The following YAP1 variants were observed in gnomAD, a reference collection of about 807,000 sequenced individuals.
YAP1 encodes the protein transcriptional coactivator YAP1.
YAP1 carries 5 observed loss-of-function variants against 56.9 expected under a neutral mutation model. The observed-to-expected ratio is 0.09, with a 90% CI of 0.05 to 0.18. The LOEUF is 0.18. Ranked by LOEUF, YAP1 falls within the 10% of genes least tolerant of loss-of-function variation. YAP1 has a pLI of 1.00. For synonymous variants in YAP1, 265 were observed against 248.1 expected, an observed-to-expected ratio of 1.07 and a Z score of -0.64; for missense variants, 539 against 651.8, an observed-to-expected ratio of 0.83 and a Z score of 1.88.
chr11:102,136,563 A>G (rs1944687693), intron 2 of YAP1, among the ~76,000 whole-genome samples: 1 of 151,926 alleles, frequency 6.6e-6, no homozygotes, highest in South Asian at 2.1e-4. Flanking sequence ...ATGTTGCCCA[A>G]GCTGGTGTCG....
At chr11:102,117,831 T>G (rs938355576) in intron 2 of YAP1, among the ~76,000 whole-genome samples, 1 of 152,268 alleles carries the variant, frequency 6.6e-6, no homozygotes, top group Admixed American at 6.5e-5. Flanking sequence ...TTTACCATCG[T>G]ATTGAGCTTT....
intron 2 of YAP1, among the ~76,000 whole-genome samples, chr11:102,117,094 G>T (rs1943332485): frequency 6.6e-6 from 1 of 152,182 alleles, no homozygotes; most frequent in Non-Finnish European, 1.5e-5. Context: ...TTCTTTTTGT[G>T]TACTGAACAG....
At chr11:102,181,416 A>G (rs1253700405) in intron 3 of YAP1, among the ~76,000 whole-genome samples, 2 of 152,188 alleles carry the variant, frequency 1.3e-5, no homozygotes, top group Non-Finnish European at 2.9e-5. Flanking sequence ...ACTGCACTCC[A>G]GCCTGGGTGG....
intron 4 of YAP1, among the ~76,000 whole-genome samples, chr11:102,204,983 A>T (rs960141101): frequency 2.0e-5 from 3 of 152,132 alleles, no homozygotes; most frequent in Admixed American, 1.3e-4. Context: ...TAAGTTGAAT[A>T]TGTATCTGAA....
In YAP1 at chr11:102,179,648, A is replaced by T. The variant is rs1440768631; in HGVS notation, c.689-6370A>T. Among the ~76,000 whole-genome samples, 4 of 151,942 alleles carry T rather than the reference A, an allele frequency of 2.6e-5. No homozygotes were observed. In the East Asian group the frequency reaches 7.7e-4, roughly 29 times the overall value. On this transcript the variant is annotated intron_variant, in intron 3 of 8. Coordinates refer to ENST00000282441, the MANE Select transcript of YAP1 (RefSeq NM_001130145.3). Reference sequence around the variant, plus strand: ...TGCCCTTGATCTGCTTTTCTAAAAAACTGTTTCCCATTTTTCTTTTTCTTT... The same window carrying T: ...TGCCCTTGATCTGCTTTTCTAAAAATCTGTTTCCCATTTTTCTTTTTCTTT...
Position 102,146,841 on chromosome 11 carries a change from C to T in YAP1, c.573-15615C>T, listed in dbSNP as rs558182324. 1.2e-4 allele frequency among the ~76,000 whole-genome samples: 18 copies of T among 152,276 alleles called. No individual in the cohort carries two copies. The South Asian group carries it at 2.1e-3, about 18-fold the overall frequency. On this transcript the variant is annotated intron_variant, in intron 2 of 8. Transcript: ENST00000282441. ...TCCATATCTCTAATTCCTCTTCCAG[C>T]ACGACAACTAATAATTTGTGCTCAA...
At chr11:102,162,936 G>A (rs1378853819) in intron 3 of YAP1, among the ~76,000 whole-genome samples, 1 of 151,564 alleles carries the variant, frequency 6.6e-6, no homozygotes, top group Non-Finnish European at 1.5e-5. Context: ...GGTTTGGATG[G>A]AAAGCCAAGC....
intron 2 of YAP1, among the ~76,000 whole-genome samples, chr11:102,124,816 A>G (rs1256299388): frequency 1.3e-5 from 2 of 151,962 alleles, no homozygotes; most frequent in African/African-American, 2.4e-5. Context: ...GCTTACTGCA[A>G]CCTCTGCCCC....
At chr11:102,229,623 A>G in intron 8 of YAP1, 79 bp from the exon 9 acceptor site, 1 of 1,355,272 alleles carries the variant, frequency 7.4e-7, no homozygotes, top group Non-Finnish European at 1.0e-6. Flanking sequence ...TTCCCTGTGC[A>G]TTTCTCTGTG....
At chr11:102,196,034 G>T (rs1013742586) in intron 4 of YAP1, among the ~76,000 whole-genome samples, 21 of 152,094 alleles carry the variant, frequency 1.4e-4, no homozygotes, top group African/African-American at 5.1e-4. Context: ...TTTTTGAAAA[G>T]ATAACAAATG....
intron 4 of YAP1, among the ~76,000 whole-genome samples, chr11:102,192,471 A>C (rs971930156): frequency 1.3e-5 from 2 of 152,206 alleles, no homozygotes; most frequent in African/African-American, 4.8e-5. Context: ...TCTTTTCCAC[A>C]TGATAGTTAC....
chr11:102,164,296 G>C (rs1356054723), intron 3 of YAP1, among the ~76,000 whole-genome samples: 3 of 152,154 alleles, frequency 2.0e-5, no homozygotes, highest in African/African-American at 7.2e-5. Context: ...GCCTCCCAAA[G>C]TGCTGGGATA....
At chr11:102,208,495 A>G (rs1336120864) in intron 5 of YAP1, among the ~76,000 whole-genome samples, 2 of 152,202 alleles carry the variant, frequency 1.3e-5, no homozygotes, top group Non-Finnish European at 2.9e-5. Context: ...TTTATCTGAC[A>G]TAAAAAAGGA....
intron 2 of YAP1, among the ~76,000 whole-genome samples, chr11:102,116,527 A>G (rs1330264847): frequency 1.3e-5 from 2 of 152,204 alleles, no homozygotes; most frequent in Non-Finnish European, 2.9e-5. Context: ...TGAAGGGTAT[A>G]TACCTTCCAA....
chr11:102,193,922 T>G (rs1169164127), intron 4 of YAP1, among the ~76,000 whole-genome samples: 1 of 151,074 alleles, frequency 6.6e-6, no homozygotes, highest in African/African-American at 2.4e-5. Context: ...CACTGCAACC[T>G]CCGCCTCCCG....
At chr11:102,128,271 C>T (rs187531279) in intron 2 of YAP1, among the ~76,000 whole-genome samples, 18 of 152,260 alleles carry the variant, frequency 1.2e-4, no homozygotes, top group Non-Finnish European at 2.2e-4. Flanking sequence ...CCAGAATTCC[C>T]ACGTGTTGTG....
chr11:102,229,713 A>G lies in YAP1; in HGVS notation c.1288A>G (p.Asn430Asp). The G allele has an allele frequency of 6.2e-7, 1 of 1,614,042 alleles. No homozygotes were observed. Among genetic ancestry groups the G allele is most frequent in the Non-Finnish European group, 8.5e-7 (1 of 1,179,962 alleles). Residue 430 changes from asparagine (N) to aspartate (D), a missense_variant, in exon 9 of 9, where the codon AAC becomes GAC. Physicochemically the swap from Asn to Asp is conservative, Grantham distance 23. Around this residue, in one of 4 missense-constraint regions of YAP1, gnomAD observed 414 missense variants for 512.4 expected, o/e 0.81. Transcript: ENST00000282441. ...TGTGTTTCCACTAGGTGATACTATC[A>G]ACCAAAGCACCCTGCCCTCACAGCA... is the stretch of plus-strand genomic sequence containing the variant. Reference protein sequence around the residue: ...VDEMDTGDTINQSTLPSQQNR... With the variant: ...VDEMDTGDTIDQSTLPSQQNR...
At chr11:102,132,286 G>A (rs1230488873) in intron 2 of YAP1, among the ~76,000 whole-genome samples, 1 of 152,198 alleles carries the variant, frequency 6.6e-6, no homozygotes, top group African/African-American at 2.4e-5. Flanking sequence ...AGACAGAGCT[G>A]CCAAAAGGTT....
At chr11:102,161,053 C>CTTTTTTTTTTTTT (rs67023819) in intron 2 of YAP1, among the ~76,000 whole-genome samples, 6 of 75,492 alleles carry the variant, frequency 7.9e-5, no homozygotes, top group Admixed American at 1.9e-4. Context: ...TAATTTCTTT[C>CTTTTTTTTTTTTT]TTTTTTTTTT....
Sources: gnomAD v4.1 joint callset for allele counts (sites outside exome capture counted in the v4.1 genomes callset) on GRCh38, gnomAD v4.1.1 for gene constraint, gnomAD v4.1.1 regional missense constraint, MANE v1.5 for transcripts, NCBI Gene and HGNC (gene_info 2026-07-23, HGNC 2026-07-21) for gene names.